Variants in ADPRHL1 observed in about 807,000 individuals in gnomAD.
ADPRHL1 encodes ADP-ribosylhydrolase like 1, also known as inactive ADP-ribosyltransferase ARH2.
In ADPRHL1, 43 loss-of-function variants were observed where a neutral mutation model predicts 44.1. That is an observed-to-expected ratio of 0.98 (90% CI 0.76 to 1.26). ADPRHL1 has a LOEUF of 1.26. Among genes scored for constraint, ADPRHL1 ranks in the 50% most tolerant of loss-of-function variants. The pLI is 0.00. For synonymous variants in ADPRHL1, 878 were observed against 1,017.4 expected, an observed-to-expected ratio of 0.86 and a Z score of 2.61; for missense variants, 2,022 against 2,496.9, an observed-to-expected ratio of 0.81 and a Z score of 4.05.
At chr13:113,424,142 A>G in intron 6 of ADPRHL1, 75 bp downstream of exon 6, 1 of 1,577,442 alleles carries the variant, frequency 6.3e-7, no homozygotes, top group South Asian at 1.2e-5. Context: ...CTGCAGTCCT[A>G]GGACACTCCG....
intron 4 of ADPRHL1, among the ~76,000 whole-genome samples, chr13:113,427,268 T>C (rs2043974348): frequency 6.6e-6 from 1 of 152,242 alleles, no homozygotes; most frequent in Non-Finnish European, 1.5e-5. Context: ...TTCGTTAATA[T>C]ACTGTGAATT....
intron 7 of ADPRHL1, among the ~76,000 whole-genome samples, chr13:113,411,893 C>A (rs1216474858): frequency 6.6e-6 from 1 of 152,246 alleles, no homozygotes; most frequent in Non-Finnish European, 1.5e-5. Flanking sequence ...CCCCTGCTCC[C>A]TGCTGTCCTG....
rs556665695 is a variant in ADPRHL1 at position 113,419,650 on chromosome 13, C to T, written c.1061+3176G>A. On this transcript the variant is annotated intron_variant, in intron 7 of 7. Coordinates refer to ENST00000612156, the MANE Select transcript of ADPRHL1 (RefSeq NM_001394807.1). ...CAGGTGTTTGCAAATGCCACTCACG[C>T]GATGGAAACCACTGAGAGCCACATC... 2.6e-5 allele frequency among the ~76,000 whole-genome samples: 4 copies of T among 152,190 alleles called. No homozygotes were observed. In the East Asian group the frequency reaches 5.8e-4, roughly 22 times the overall value.
Position 113,405,831 on chromosome 13 carries a change from C to T in ADPRHL1, c.3451G>A (p.Gly1151Arg). 1 of 1,231,860 alleles carries T rather than the reference C, an allele frequency of 8.1e-7. No individual in the cohort carries two copies. The highest frequency in any genetic ancestry group is 1.0e-6 in the Non-Finnish European group (1 of 988,040). The allele number at this position is 1,231,860 out of a possible 1,614,324, so 76.3% of individuals were successfully genotyped here. A position where few individuals can be genotyped will look rare whatever the true frequency, so the allele number is the denominator to read the frequency against. Reference sequence around the variant, plus strand: ...TGGCTTTCGGACAAGGCTCTGCTTCCCCACTGGCCCAGCGTCTCTGGCTCT... The same window carrying T: ...TGGCTTTCGGACAAGGCTCTGCTTCTCCACTGGCCCAGCGTCTCTGGCTCT... ...AGEPETLGQW[G>R]SRALSESHPR... The change falls in exon 8 of 8, where the codon GGA becomes AGA. Residue 1151 changes from glycine to arginine, a missense_variant. Physicochemically the swap from Gly to Arg is moderately radical, Grantham distance 125 (BLOSUM62 -2). Around this residue, in one of 8 missense-constraint regions of ADPRHL1, gnomAD observed 1,221 missense variants for 1,517.8 expected, o/e 0.80. Coordinates refer to ENST00000612156, the MANE Select transcript of ADPRHL1 (RefSeq NM_001394807.1).
Position 113,453,346 on chromosome 13 carries a change from A to T in ADPRHL1, c.92T>A (p.Met31Lys). 1.2e-6 allele frequency: 2 copies of T among 1,614,162 alleles called. No homozygotes were observed. The highest frequency in any genetic ancestry group is 1.7e-6 in the Non-Finnish European group (2 of 1,180,026). ...ACGTTGCAGCTCCTCCTGGATCTTC[A>T]TGCCTACAGTGCTGTTCTCCTTGCA... ...NVCKENSTVG[M>K]KIQEELQRSG... The change falls in exon 1 of 8, where the codon ATG (methionine) becomes AAG (lysine). Residue 31 changes from methionine (M) to lysine (K), a missense_variant. This residue lies in a region of ADPRHL1 where 437 missense variants were observed against 430.7 expected (regional missense o/e 1.01). Transcript: ENST00000612156. This position sits in a 1 kb window ranked among gnomAD's most constrained non-coding sequence, Gnocchi z 5.4.
intron 5 of ADPRHL1, 67 bp from the exon 6 acceptor site, chr13:113,424,416 A>G: frequency 6.3e-7 from 1 of 1,592,502 alleles, no homozygotes; most frequent in Non-Finnish European, 8.6e-7. Flanking sequence ...ATTACAGCAC[A>G]AGCTTTCTGG....
At chr13:113,413,726 C>T (rs912211810) in intron 7 of ADPRHL1, among the ~76,000 whole-genome samples, 1 of 152,226 alleles carries the variant, frequency 6.6e-6, no homozygotes, top group Non-Finnish European at 1.5e-5. Context: ...TCTGGGCTGC[C>T]CTGTGTGACC....
At chr13:113,439,073 G>C (rs1162876885) in intron 2 of ADPRHL1, among the ~76,000 whole-genome samples, 3 of 151,964 alleles carry the variant, frequency 2.0e-5, no homozygotes, top group Non-Finnish European at 4.4e-5. Flanking sequence ...TCAAACATTT[G>C]GTAAATACCC....
chr13:113,441,871 ACT>A lies in ADPRHL1; in HGVS notation c.379+2552_379+2553del, dbSNP rs765801696. On this transcript the variant is annotated intron_variant, in intron 2 of 7. Coordinates refer to ENST00000612156, the MANE Select transcript of ADPRHL1 (RefSeq NM_001394807.1). This position sits in a 1 kb window ranked among gnomAD's most constrained non-coding sequence, Gnocchi z 6.0. The stretch of plus-strand genomic sequence containing the variant: ...CCGCGTGGGTCCGTGTCACTATCAC[ACT>A]CTGTCCCCACCCTGTGTGTGAGTCT... Among the ~76,000 whole-genome samples, 11 of 149,944 alleles carry A rather than the reference ACT, an allele frequency of 7.3e-5. No homozygotes were observed. The highest frequency in any genetic ancestry group is 1.5e-4 in the Non-Finnish European group (10 of 67,696).
intron 7 of ADPRHL1, among the ~76,000 whole-genome samples, chr13:113,410,710 AC>A (rs2043846149): frequency 2.3e-5 from 3 of 132,980 alleles, no homozygotes; most frequent in African/African-American, 6.7e-5. Flanking sequence ...ACCCCCCTGA[AC>A]CCAGAGTCGA....
At chr13:113,435,445 T>C (rs1276798617) in intron 2 of ADPRHL1, among the ~76,000 whole-genome samples, 86 of 80,810 alleles carry the variant, frequency 1.1e-3, no homozygotes, top group Middle Eastern at 9.1e-3. Context: ...AGCACCCAGG[T>C]GTAGAGTGAA....
chr13:113,427,380 C>T (rs973573385), intron 4 of ADPRHL1, among the ~76,000 whole-genome samples: 3 of 152,196 alleles, frequency 2.0e-5, no homozygotes, highest in Non-Finnish European at 4.4e-5. Flanking sequence ...TGGCTGCAGA[C>T]AACAACCTCA....
In ADPRHL1 at chr13:113,434,182, A is replaced by C. The variant is rs1318428718; in HGVS notation, c.380-315T>G. The stretch of plus-strand genomic sequence containing the variant: ...CCTGTAAAAACAGCTTCATTGAGTT[A>C]TAACTACATACAACAAACTAGGCAT... On this transcript the variant is annotated intron_variant, in intron 2 of 7. Coordinates refer to ENST00000612156, the MANE Select transcript of ADPRHL1 (RefSeq NM_001394807.1). 2.0e-5 allele frequency among the ~76,000 whole-genome samples: 3 copies of C among 152,194 alleles called. No homozygotes were observed. In the East Asian group the frequency reaches 5.8e-4, roughly 29 times the overall value.
At chr13:113,428,737 G>A (rs1314883471) in intron 4 of ADPRHL1, among the ~76,000 whole-genome samples, 2 of 152,240 alleles carry the variant, frequency 1.3e-5, no homozygotes, top group Admixed American at 1.3e-4. Flanking sequence ...GCTCCGGGTG[G>A]GGAGGCAAAG....
At position 113,408,181 on chromosome 13, in the gene ADPRHL1, C is replaced by G; in HGVS notation, c.1101G>C (p.Val367=). 8.1e-7 allele frequency: 1 copy of G among 1,232,014 alleles called. No individual in the cohort carries two copies. Among genetic ancestry groups the G allele is most frequent in the Non-Finnish European group, 1.0e-6 (1 of 987,984 alleles). 76.3% of individuals were successfully genotyped at this position (1,232,014 alleles called of 1,614,324 possible). The change falls in exon 8 of 8, where the codon GTG becomes GTC. Residue 367 remains valine (V), a synonymous_variant. Coordinates refer to ENST00000612156, the MANE Select transcript of ADPRHL1 (RefSeq NM_001394807.1). ...SSKTCSDVMS[V]DAQTLKKKMG... is the part of the protein sequence containing the mutation. ...TCTTCTTCTTCAGGGTTTGGGCGTC[C>G]ACAGACATGACGTCACTGCAGGTCT...
chr13:113,433,851 C>T lies in ADPRHL1; in HGVS notation c.396G>A (p.Ala132=), dbSNP rs554520662. 31 of 1,561,536 alleles carry T rather than the reference C, an allele frequency of 2.0e-5. No individual in the cohort carries two copies. The highest frequency in any genetic ancestry group is 1.3e-4 in the Admixed American group (7 of 52,898). The change falls in exon 3 of 8, where the codon GCG becomes GCA. Residue 132 remains alanine (A), a synonymous_variant. Coordinates refer to ENST00000612156, the MANE Select transcript of ADPRHL1 (RefSeq NM_001394807.1). ...PFNEKGSGFG[A]ATKAMCIGLR... ...GGCCGATGCACATGGCCTTGGTGGC[C>T]GCTCCAAACCCTGAGCCTGTGTGGA...
Position 113,406,331 on chromosome 13 carries a change from T to A in ADPRHL1, c.2951A>T (p.Asp984Val), listed in dbSNP as rs2043808258. ...AGATTCCGGCAACGGATGCTTCACA[T>A]CTCTGAGCTCAGAGGTCCTCTCTCC... The part of the protein sequence containing the change: ...ISGERTSELR[D>V]VKHPLPESNE... The change falls in exon 8 of 8, where the codon GAT (aspartate) becomes GTT (valine). Residue 984 changes from aspartate to valine, a missense_variant. By Grantham distance (152) the Asp-to-Val change is radical (BLOSUM62 -3). Transcript: ENST00000612156. The A allele has an allele frequency of 8.1e-7, 1 of 1,232,106 alleles. No individual in the cohort carries two copies. The highest frequency in any genetic ancestry group is 3.2e-5 in the East Asian group (1 of 31,702). 76.3% of individuals were successfully genotyped at this position (1,232,106 alleles called of 1,614,324 possible).
intron 6 of ADPRHL1, 55 bp downstream of exon 6, chr13:113,424,162 T>C: frequency 6.9e-6 from 11 of 1,603,822 alleles, no homozygotes; most frequent in Non-Finnish European, 9.4e-6. Context: ...GAGGGGGTGC[T>C]TCAGAAGAAG....
At chr13:113,424,180 C>A (rs781497547) in intron 6 of ADPRHL1, 37 bp downstream of exon 6, 21 of 1,610,296 alleles carry the variant, frequency 1.3e-5, no homozygotes, top group Non-Finnish European at 1.7e-5. Flanking sequence ...AAGGGTGCTA[C>A]CCTCCAGGAA....
Sources: gnomAD v4.1 joint callset for allele counts (sites outside exome capture counted in the v4.1 genomes callset) on GRCh38, gnomAD v4.1.1 for gene constraint, gnomAD v4.1.1 regional missense constraint, Gnocchi (gnomAD v3.1) non-coding constraint, MANE v1.5 for transcripts, NCBI Gene and HGNC (gene_info 2026-07-23, HGNC 2026-07-21) for gene names.